SGCZ: variants seen among roughly 807,000 people sequenced by gnomAD.
SGCZ encodes sarcoglycan zeta.
SGCZ carries 40 observed loss-of-function variants against 41.3 expected under a neutral mutation model. The observed-to-expected ratio is 0.97, with a 90% CI of 0.75 to 1.26. The LOEUF (loss-of-function observed/expected upper bound fraction) is 1.26. Ranked by LOEUF, SGCZ falls within the 50% of genes most tolerant of loss-of-function variation. The pLI is 0.00. For synonymous variants in SGCZ, 206 were observed against 137.5 expected (o/e 1.50, Z -3.49); for missense variants, 552 against 369.8 (o/e 1.49, Z -4.04).
At chr8:14,444,627 A>C (rs1800377366) in intron 2 of SGCZ, among the ~76,000 whole-genome samples, 1 of 143,972 alleles carries the variant, frequency 6.9e-6, no homozygotes, top group Non-Finnish European at 1.5e-5. Flanking sequence ...ACACATGGAC[A>C]CAGGAAGGGG....
rs144179285 is a variant in SGCZ at position 14,751,876 on chromosome 8, G to A, written c.40-196950C>T. Among the ~76,000 whole-genome samples the A allele has an allele frequency of 9.9e-4, 150 of 151,352 alleles. 2 individuals are homozygous for A. Among genetic ancestry groups the A allele is most frequent in the African/African-American group, 2.7e-3 (113 of 41,236 alleles). On this transcript the variant is annotated intron_variant, in intron 1 of 7. Coordinates refer to ENST00000382080, the MANE Select transcript of SGCZ (RefSeq NM_139167.4). Reference sequence around the variant, plus strand: ...GAACCCGGGAGGCAGAGCTTGCACTGAGCCAAAATCGCGCCACTGCACTCC... The same window carrying A: ...GAACCCGGGAGGCAGAGCTTGCACTAAGCCAAAATCGCGCCACTGCACTCC...
intron 4 of SGCZ, among the ~76,000 whole-genome samples, chr8:14,176,024 G>A (rs1436696743): frequency 6.6e-6 from 1 of 152,038 alleles, no homozygotes; most frequent in Non-Finnish European, 1.5e-5. Context: ...GCATCATTAT[G>A]AATGTATGAT....
intron 5 of SGCZ, among the ~76,000 whole-genome samples, chr8:14,110,112 G>A (rs1304400722): frequency 6.6e-6 from 1 of 151,828 alleles, no homozygotes; most frequent in Non-Finnish European, 1.5e-5. Flanking sequence ...CCTCAAGGTG[G>A]GTCTTTAAAA....
At chr8:14,335,072 A>T (rs941584778) in intron 2 of SGCZ, among the ~76,000 whole-genome samples, 2 of 151,914 alleles carry the variant, frequency 1.3e-5, no homozygotes, top group African/African-American at 4.8e-5. Flanking sequence ...GAGCAAGTTG[A>T]CTCTCCTTGG....
chr8:15,136,175 C>A (rs76653087), intron 1 of SGCZ, among the ~76,000 whole-genome samples: 2 of 152,154 alleles, frequency 1.3e-5, no homozygotes, highest in African/African-American at 4.8e-5. Context: ...AGTCAAGCCC[C>A]ACCTCCTGAG....
intron 5 of SGCZ, among the ~76,000 whole-genome samples, chr8:14,159,402 G>A (rs986574201): frequency 3.3e-5 from 5 of 152,100 alleles, no homozygotes; most frequent in Admixed American, 1.3e-4. Flanking sequence ...GAAGAGGACC[G>A]TTGGTAAGGT....
At chr8:14,407,957 C>G (rs1174646745) in intron 2 of SGCZ, among the ~76,000 whole-genome samples, 1 of 152,034 alleles carries the variant, frequency 6.6e-6, no homozygotes, top group East Asian at 1.9e-4. Context: ...ATGAATGTGT[C>G]AAAGTATATA....
chr8:14,626,115 C>G (rs1180948890), intron 1 of SGCZ, among the ~76,000 whole-genome samples: 1 of 152,078 alleles, frequency 6.6e-6, no homozygotes, highest in Non-Finnish European at 1.5e-5. Flanking sequence ...AGAGTTATAT[C>G]TTCTTTGCTA....
chr8:14,924,013 G>A (rs1253479578), intron 1 of SGCZ, among the ~76,000 whole-genome samples: 2 of 152,236 alleles, frequency 1.3e-5, no homozygotes, highest in Non-Finnish European at 2.9e-5. Flanking sequence ...TCCCAGGACA[G>A]AGACAGAGGG....
chr8:14,154,255 A>G lies in SGCZ; in HGVS notation c.547+10325T>C, dbSNP rs200445654. Among the ~76,000 whole-genome samples, 37 of 152,220 alleles carry G rather than the reference A, an allele frequency of 2.4e-4. No individual in the cohort carries two copies. The East Asian group carries it at 6.4e-3, about 26-fold the overall frequency. ...CGTGGTGGTGGTCGCCTGTAGTCCC[A>G]GCTAGCAGGAGGCTGAGGCAGGAGA... On this transcript the variant is annotated intron_variant, in intron 5 of 7. Transcript: ENST00000382080.
chr8:14,375,049 G>A (rs1328482942), intron 2 of SGCZ, among the ~76,000 whole-genome samples: 2 of 152,088 alleles, frequency 1.3e-5, no homozygotes, highest in African/African-American at 4.8e-5. Flanking sequence ...TAAAGAGAAA[G>A]TCACTGCAGA....
At chr8:14,922,864 A>G (rs866684404) in intron 1 of SGCZ, among the ~76,000 whole-genome samples, 2 of 152,332 alleles carry the variant, frequency 1.3e-5, no homozygotes, top group Middle Eastern at 3.4e-3. Flanking sequence ...GAAATCAAGG[A>G]ACATTTCTTA....
chr8:14,707,587 G>C (rs548111139), intron 1 of SGCZ, among the ~76,000 whole-genome samples: 36 of 151,964 alleles, frequency 2.4e-4, no homozygotes, highest in Non-Finnish European at 4.1e-4. Flanking sequence ...TGGTGATTTG[G>C]TTTTTATCTT....
intron 1 of SGCZ, among the ~76,000 whole-genome samples, chr8:15,200,153 G>A (rs1465746376): frequency 1.3e-5 from 2 of 152,184 alleles, no homozygotes; most frequent in Non-Finnish European, 2.9e-5. Context: ...TGTTCAGCGA[G>A]TTTCCTCAAG....
intron 2 of SGCZ, among the ~76,000 whole-genome samples, chr8:14,411,748 A>G (rs1403581208): frequency 6.6e-6 from 1 of 152,128 alleles, no homozygotes; most frequent in Non-Finnish European, 1.5e-5. Flanking sequence ...GATTATATAT[A>G]AAGACATTCA....
intron 2 of SGCZ, among the ~76,000 whole-genome samples, chr8:14,545,368 C>T (rs1475820118): frequency 6.7e-6 from 1 of 149,648 alleles, no homozygotes; most frequent in African/African-American, 2.4e-5. Flanking sequence ...TTGGAAACAA[C>T]AAATAAGACA....
At chr8:14,326,449 A>C (rs1331482769) in intron 2 of SGCZ, among the ~76,000 whole-genome samples, 2 of 152,178 alleles carry the variant, frequency 1.3e-5, no homozygotes. Context: ...AGGACTCTTT[A>C]AATTTTTTAA....
At chr8:15,232,178 T>G (rs755427508) in intron 1 of SGCZ, among the ~76,000 whole-genome samples, 1 of 152,212 alleles carries the variant, frequency 6.6e-6, no homozygotes, top group Non-Finnish European at 1.5e-5. Flanking sequence ...AAATTGTATT[T>G]TAGCTGAAAT....
chr8:14,523,724 G>T (rs1307128980), intron 2 of SGCZ, among the ~76,000 whole-genome samples: 4 of 151,818 alleles, frequency 2.6e-5, no homozygotes, highest in African/African-American at 9.7e-5. Flanking sequence ...GTTTGTTTTT[G>T]TTTTACCAAA....
Sources: gnomAD v4.1 joint callset for allele counts (sites outside exome capture counted in the v4.1 genomes callset) on GRCh38, gnomAD v4.1.1 for gene constraint, MANE v1.5 for transcripts, NCBI Gene and HGNC (gene_info 2026-07-23, HGNC 2026-07-21) for gene names.